Variants in MPP7 observed in about 807,000 individuals in gnomAD.
MPP7 encodes MAGUK p55 subfamily member 7.
A neutral mutation model predicts 76.5 loss-of-function variants in MPP7; 60 were observed. The ratio of observed to expected loss-of-function variants is 0.78; its 90% CI spans 0.64 to 0.97. The LOEUF (loss-of-function observed/expected upper bound fraction) is 0.97. MPP7 is among the 50% of genes least tolerant of loss of function. The probability of loss-of-function intolerance (pLI) is 0.00; values close to 1 mark genes in which losing one functional copy is unlikely to be tolerated. For missense variants in MPP7, 641 were observed against 694.0 expected (o/e 0.92, Z 0.86); for synonymous variants, 237 against 244.5 (o/e 0.97, Z 0.29).
intron 3 of MPP7, among the ~76,000 whole-genome samples, chr10:28,168,361 T>C (rs930960069): frequency 3.3e-5 from 5 of 152,218 alleles, no homozygotes; most frequent in Admixed American, 1.3e-4. Flanking sequence ...AGCTAAACCT[T>C]TGTCAATTAT....
intron 6 of MPP7, among the ~76,000 whole-genome samples, chr10:28,127,332 T>C (rs781085994): frequency 2.0e-5 from 3 of 152,120 alleles, no homozygotes; most frequent in African/African-American, 4.8e-5. Flanking sequence ...CTCATCCCAA[T>C]GGGGGAGACA....
chr10:28,203,678 T>C (rs1837856833), intron 2 of MPP7, among the ~76,000 whole-genome samples: 1 of 152,186 alleles, frequency 6.6e-6, no homozygotes, highest in Admixed American at 6.5e-5. Flanking sequence ...TCATTATATA[T>C]ATGAAAGTAA....
intron 12 of MPP7, among the ~76,000 whole-genome samples, chr10:28,085,568 T>C (rs1258890840): frequency 1.3e-5 from 2 of 152,082 alleles, no homozygotes; most frequent in East Asian, 1.9e-4. Context: ...ATTATTTACT[T>C]AAGGCCTGGA....
intron 2 of MPP7, among the ~76,000 whole-genome samples, chr10:28,210,889 T>G (rs970231832): frequency 1.5e-4 from 23 of 152,216 alleles, no homozygotes; most frequent in Non-Finnish European, 2.6e-4. Context: ...ACTGACTTAT[T>G]TATTTGATGG....
intron 13 of MPP7, among the ~76,000 whole-genome samples, chr10:28,062,378 G>C (rs1262565490): frequency 6.6e-6 from 1 of 151,828 alleles, no homozygotes; most frequent in African/African-American, 2.4e-5. Context: ...TACCACCAGA[G>C]AGTCAACAAG....
In MPP7 at chr10:28,119,652, T is replaced by A. The variant is rs769397398; in HGVS notation, c.951A>T (p.Ser317=). 1 of 1,612,890 alleles carries A rather than the reference T, an allele frequency of 6.2e-7. No homozygotes were observed. The highest frequency in any genetic ancestry group is 2.2e-5 in the East Asian group (1 of 44,832). The change falls in exon 11 of 17, where the codon TCA becomes TCT. Residue 317 remains serine, a splice_region_variant and synonymous_variant. Transcript: ENST00000683449. ...VQPLKVSNRK[S]SGFRKSFRLS... Reference sequence around the variant, plus strand: ...CTGCATTCTTATTAACAAACTTACATGATTTCCTGTTGGAAACTTTCAGGG... The same window carrying A: ...CTGCATTCTTATTAACAAACTTACAAGATTTCCTGTTGGAAACTTTCAGGG...
rs3064171 is a variant in MPP7 at position 28,321,948 on chromosome 10, C to CGTGTGTGTGTGTGT, written c.-132+7967_-132+7980dup. Among the ~76,000 whole-genome samples the CGTGTGTGTGTGTGT allele has an allele frequency of 5.1e-3, 730 of 143,450 alleles. 3 individuals are homozygous for CGTGTGTGTGTGTGT. Among genetic ancestry groups the CGTGTGTGTGTGTGT allele is most frequent in the Non-Finnish European group, 7.3e-3 (478 of 65,272 alleles). The allele number at this position is 143,450 out of a possible 152,430, so 94.1% of individuals were successfully genotyped here. On this transcript the variant is annotated intron_variant, in intron 2 of 11. Transcript: ENST00000441595. ...GTAAGCTACAACTTGTTTTTGTAGA[C>CGTGTGTGTGTGTGT]GTGTGTGTGTGTGTGTGTGTGTGTG...
intron 5 of MPP7, among the ~76,000 whole-genome samples, chr10:28,143,080 TACA>T (rs1835577616): frequency 6.6e-6 from 1 of 151,852 alleles, no homozygotes; most frequent in Non-Finnish European, 1.5e-5. Context: ...AAGAGAAGGC[TACA>T]AAATGCCAAA....
chr10:28,200,128 G>GAC (rs773788799), intron 3 of MPP7, among the ~76,000 whole-genome samples: 91 of 152,246 alleles, frequency 6.0e-4, no homozygotes, highest in Non-Finnish European at 1.0e-3. Flanking sequence ...AGCTTAAATA[G>GAC]ACACGCTTGG....
chr10:28,089,264 G>T (rs1373868864), intron 12 of MPP7, among the ~76,000 whole-genome samples: 1 of 152,086 alleles, frequency 6.6e-6, no homozygotes, highest in Non-Finnish European at 1.5e-5. Context: ...AAATATCCTA[G>T]AACTCTGCTG....
chr10:28,206,992 T>C (rs1048701112), intron 2 of MPP7, among the ~76,000 whole-genome samples: 1 of 152,168 alleles, frequency 6.6e-6, no homozygotes, highest in Admixed American at 6.6e-5. Context: ...TCTAAAACCA[T>C]ACCCAAAAAT....
At chr10:28,187,191 C>T (rs568973285) in intron 3 of MPP7, among the ~76,000 whole-genome samples, 3 of 152,230 alleles carry the variant, frequency 2.0e-5, no homozygotes, top group African/African-American at 7.2e-5. Context: ...AGGGCACAGT[C>T]GCACTAAATA....
intron 2 of MPP7, among the ~76,000 whole-genome samples, chr10:28,325,511 T>C (rs757599274): frequency 5.9e-5 from 9 of 151,860 alleles, no homozygotes; most frequent in Non-Finnish European, 1.2e-4. Flanking sequence ...TTTCTTTTTT[T>C]GAGACCGAGT....
chr10:28,077,972 A>T (rs1564619415), intron 12 of MPP7, among the ~76,000 whole-genome samples: 1 of 152,194 alleles, frequency 6.6e-6, no homozygotes, highest in Non-Finnish European at 1.5e-5. Context: ...GAAAGGTATC[A>T]TTATCCTCAT....
intron 2 of MPP7, among the ~76,000 whole-genome samples, chr10:28,320,894 C>T (rs1048798956): frequency 1.3e-5 from 2 of 151,858 alleles, no homozygotes; most frequent in African/African-American, 4.8e-5. Context: ...TAGCCCCTGA[C>T]GAGGTTCATC....
chr10:28,315,618 G>A (rs1421331833), intron 2 of MPP7, among the ~76,000 whole-genome samples: 1 of 152,098 alleles, frequency 6.6e-6, no homozygotes, highest in African/African-American at 2.4e-5. Context: ...CTGTTTCAAG[G>A]TAATATAAAT....
At chr10:28,100,031 A>T (rs1361927930) in intron 11 of MPP7, among the ~76,000 whole-genome samples, 1 of 151,540 alleles carries the variant, frequency 6.6e-6, no homozygotes, top group East Asian at 1.9e-4. Context: ...AATCGGATTC[A>T]TTTGACCAAG....
chr10:28,061,168 AC>A (rs1458600891), intron 13 of MPP7, among the ~76,000 whole-genome samples: 1 of 152,258 alleles, frequency 6.6e-6, no homozygotes. Context: ...ACAAAAAAAA[AC>A]AAAACAAAAC....
In MPP7 at chr10:28,052,188, CTGAAT is replaced by C. The variant is rs1393212768; in HGVS notation, c.*1872_*1876del. On this transcript the variant is annotated 3_prime_UTR_variant, in exon 17 of 17. Transcript: ENST00000683449. ...CTGCCTAAATTACTCAGGTGATTGC[CTGAAT>C]TATTACATATGTCCCATCATTCTTT... 1.3e-5 allele frequency: 2 copies of C among 152,104 alleles called. No individual in the cohort carries two copies. Among genetic ancestry groups the C allele is most frequent in the African/African-American group, 4.8e-5 (2 of 41,404 alleles). 9.4% of individuals were successfully genotyped at this position (152,104 alleles called of 1,614,324 possible). A position where few individuals can be genotyped will look rare whatever the true frequency, so the allele number is the denominator to read the frequency against.
Sources: allele counts gnomAD v4.1 joint callset (sites outside exome capture counted in the v4.1 genomes callset), GRCh38; gene constraint gnomAD v4.1.1; transcripts MANE v1.5; gene names NCBI Gene and HGNC (gene_info 2026-07-23, HGNC 2026-07-21).